Variants in ATP8A1 observed in about 807,000 individuals in gnomAD.
ATP8A1 encodes the protein phospholipid-transporting ATPase IA.
ATP8A1 carries 90 observed loss-of-function variants against 177.7 expected under a neutral mutation model. That is an observed-to-expected ratio of 0.51 (90% CI 0.43 to 0.60). The LOEUF is 0.60. Among genes scored for constraint, ATP8A1 ranks in the 20% least tolerant of loss-of-function variants. The pLI, the probability that ATP8A1 is intolerant of heterozygous loss-of-function variation, is 0.00. For synonymous variants in ATP8A1, 493 were observed against 485.9 expected (o/e 1.01, Z -0.19); for missense variants, 1,072 against 1,392.8 (o/e 0.77, Z 3.67).
intron 5 of ATP8A1, among the ~76,000 whole-genome samples, chr4:42,607,244 A>C (rs1735886820): frequency 6.6e-6 from 1 of 152,236 alleles, no homozygotes; most frequent in South Asian, 2.1e-4. Flanking sequence ...AAATGAAGAA[A>C]GGAAATACAC....
intron 33 of ATP8A1, among the ~76,000 whole-genome samples, chr4:42,432,565 G>A (rs1172982476): frequency 6.6e-6 from 1 of 152,212 alleles, no homozygotes; most frequent in Admixed American, 6.5e-5. Flanking sequence ...AGAGGCCCGA[G>A]CCTTCCAGTC....
intron 1 of ATP8A1, among the ~76,000 whole-genome samples, chr4:42,635,782 C>CACACATATATATATATATAT (rs1553920597): frequency 5.8e-5 from 3 of 51,984 alleles, no homozygotes; most frequent in African/African-American, 1.8e-4. Context: ...CACACACACA[C>CACACATATATATATATATAT]ATATATATAT....
At chr4:42,522,531 C>G (rs2153198643) in intron 21 of ATP8A1, among the ~76,000 whole-genome samples, 1 of 152,316 alleles carries the variant, frequency 6.6e-6, no homozygotes, top group South Asian at 2.1e-4. Context: ...AATCCATCTT[C>G]CATGCATAGT....
intron 9 of ATP8A1, among the ~76,000 whole-genome samples, chr4:42,583,022 A>G (rs563268054): frequency 6.6e-6 from 1 of 152,362 alleles, no homozygotes; most frequent in African/African-American, 2.4e-5. Flanking sequence ...AAAAAGAAGG[A>G]AACAATTCCA....
chr4:42,425,880 G>C (rs1332275608), intron 33 of ATP8A1, among the ~76,000 whole-genome samples: 2 of 152,116 alleles, frequency 1.3e-5, no homozygotes, highest in East Asian at 3.9e-4. Context: ...AATTTGCCAC[G>C]AAAGTGGCTC....
rs76783686 is a variant in ATP8A1 at position 42,447,075 on chromosome 4, A to G, written c.2897-431T>C. ...AAAAGCAACTCACAGAGGGCCAAGG[A>G]ACACCAGTATGGTTTCAGGCATGTG... On this transcript the variant is annotated intron_variant, in intron 30 of 36. Coordinates refer to ENST00000381668, the MANE Select transcript of ATP8A1 (RefSeq NM_006095.2). Among the ~76,000 whole-genome samples, 400 of 152,360 alleles carry G rather than the reference A, an allele frequency of 2.6e-3. 1 individual carries two copies. Among genetic ancestry groups the G allele is most frequent in the African/African-American group, 9.3e-3 (388 of 41,584 alleles).
Position 42,655,652 on chromosome 4 carries a change from G to A in ATP8A1, c.49+1173C>T, listed in dbSNP as rs559954608. On this transcript the variant is annotated intron_variant, in intron 1 of 36. Coordinates refer to ENST00000381668, the MANE Select transcript of ATP8A1 (RefSeq NM_006095.2). Reference sequence around the variant, plus strand: ...TACCGAATTCCTATGTAGTACACAGGCCAGTTTTGAATCTTGCTTCGTCTT... The same window carrying A: ...TACCGAATTCCTATGTAGTACACAGACCAGTTTTGAATCTTGCTTCGTCTT... Among the ~76,000 whole-genome samples, 15 of 152,246 alleles carry A rather than the reference G, an allele frequency of 9.9e-5. 1 individual carries two copies. In the South Asian group the frequency reaches 3.1e-3, roughly 32 times the overall value.
chr4:42,440,078 G>A (rs770960613), intron 33 of ATP8A1, among the ~76,000 whole-genome samples: 2 of 152,156 alleles, frequency 1.3e-5, no homozygotes, highest in Admixed American at 6.6e-5. Context: ...GATGTTCATG[G>A]CAAACACAAC....
chr4:42,495,614 G>GT lies in ATP8A1; in HGVS notation c.2151+7835dup, dbSNP rs67918221. Among the ~76,000 whole-genome samples, 379 of 146,678 alleles carry GT rather than the reference G, an allele frequency of 2.6e-3. 3 individuals carry two copies. The highest frequency in any genetic ancestry group is 8.2e-3 in the African/African-American group (334 of 40,490). ...TTATTTTAAAAAATTGTATTTATTG[G>GT]TTTTTTTTTTTTGATGTAGTTTTTG... On this transcript the variant is annotated intron_variant, in intron 24 of 36. Coordinates refer to ENST00000381668, the MANE Select transcript of ATP8A1 (RefSeq NM_006095.2).
rs764452182 is a variant in ATP8A1, at chr4:42,635,782, C to CATATATATATATATATATATATATATAT, written c.50-8701_50-8674dup. 1.6e-3 allele frequency among the ~76,000 whole-genome samples: 84 copies of CATATATATATATATATATATATATATAT among 51,958 alleles called. 3 individuals carry two copies. Among genetic ancestry groups the CATATATATATATATATATATATATATAT allele is most frequent in the Non-Finnish European group, 2.5e-3 (59 of 23,960 alleles). The allele number at this position is 51,958 out of a possible 152,430, so 34.1% of individuals were successfully genotyped here. A position where few individuals can be genotyped will look rare whatever the true frequency, so the allele number is the denominator to read the frequency against. The stretch of plus-strand genomic sequence containing the variant: ...ACACACACACACACACACACACACA[C>CATATATATATATATATATATATATATAT]ATATATATATATATATATATATATA... On this transcript the variant is annotated intron_variant, in intron 1 of 36. Coordinates refer to ENST00000381668, the MANE Select transcript of ATP8A1 (RefSeq NM_006095.2).
In ATP8A1 at chr4:42,578,369, A is replaced by C. The variant is rs1430612610; in HGVS notation, c.1019T>G (p.Phe340Cys). 6.2e-7 allele frequency: 1 copy of C among 1,612,378 alleles called. No homozygotes were observed. The highest frequency in any genetic ancestry group is 1.3e-5 in the African/African-American group (1 of 74,840). Reference protein sequence around the residue: ...LNLNYGGASNFGLNFLTFIIL... With the variant: ...LNLNYGGASNCGLNFLTFIIL... Reference sequence around the variant, plus strand: ...GATGAAGGTCAAGAAATTCAGTCCAAAATTACTAGCGCCACCATCTGTTGG... The same window carrying C: ...GATGAAGGTCAAGAAATTCAGTCCACAATTACTAGCGCCACCATCTGTTGG... The change falls in exon 12 of 37, where the codon TTT (phenylalanine) becomes TGT (cysteine). Residue 340 changes from phenylalanine (F) to cysteine (C), a missense_variant. By Grantham distance (205) the Phe-to-Cys change is radical (BLOSUM62 -2). Coordinates refer to ENST00000381668, the MANE Select transcript of ATP8A1 (RefSeq NM_006095.2).
chr4:42,604,487 T>C (rs1309179070), intron 5 of ATP8A1, among the ~76,000 whole-genome samples: 1 of 152,168 alleles, frequency 6.6e-6, no homozygotes, highest in Non-Finnish European at 1.5e-5. Context: ...TTCTTATCTG[T>C]CATAGGATCA....
chr4:42,409,397 A>T lies in ATP8A1; in HGVS notation c.*3519T>A, dbSNP rs1180468614. ...AAGTGACTTCAGTTATTTTAATGTG[A>T]GAAAAATCAGACTATGGTATCTTAC... On this transcript the variant is annotated 3_prime_UTR_variant, in exon 37 of 37. Coordinates refer to ENST00000381668, the MANE Select transcript of ATP8A1 (RefSeq NM_006095.2). 1 of 152,170 alleles carries T rather than the reference A, an allele frequency of 6.6e-6. No homozygotes were observed. The highest frequency in any genetic ancestry group is 1.5e-5 in the Non-Finnish European group (1 of 67,988). 9.4% of individuals were successfully genotyped at this position (152,170 alleles called of 1,614,324 possible). A position where few individuals can be genotyped will look rare whatever the true frequency, so the allele number is the denominator to read the frequency against.
At chr4:42,524,647 G>A (rs759440237) in intron 21 of ATP8A1, 116 bp downstream of exon 21, 3 of 566,282 alleles carry the variant, frequency 5.3e-6, no homozygotes, top group Non-Finnish European at 8.9e-6. Context: ...ATTGCCAACA[G>A]CTGATATCTT....
chr4:42,626,873 G>A, intron 2 of ATP8A1, 122 bp downstream of exon 2: 1 of 724,492 alleles, frequency 1.4e-6, no homozygotes, highest in South Asian at 1.5e-5. Flanking sequence ...TATTCACACT[G>A]CCAACAGGGA....
chr4:42,496,160 C>A (rs1723251167), intron 24 of ATP8A1, among the ~76,000 whole-genome samples: 1 of 152,104 alleles, frequency 6.6e-6, no homozygotes, highest in Non-Finnish European at 1.5e-5. Context: ...GGGTACAATG[C>A]AGAGAGAGGC....
intron 15 of ATP8A1, among the ~76,000 whole-genome samples, chr4:42,560,199 TAA>T (rs1243499154): frequency 6.6e-6 from 1 of 151,964 alleles, no homozygotes; most frequent in African/African-American, 2.4e-5. Flanking sequence ...TCTGTAAAAA[TAA>T]GAGAGAAAAA....
intron 20 of ATP8A1, among the ~76,000 whole-genome samples, chr4:42,541,427 T>A (rs1728374711): frequency 6.6e-6 from 1 of 152,224 alleles, no homozygotes; most frequent in Non-Finnish European, 1.5e-5. Context: ...CTAATGGGAA[T>A]GCAAAATGGC....
intron 22 of ATP8A1, among the ~76,000 whole-genome samples, chr4:42,513,830 C>T (rs966745517): frequency 2.6e-5 from 4 of 152,250 alleles, no homozygotes; most frequent in African/African-American, 9.6e-5. Flanking sequence ...TGGATTAGGA[C>T]AAAAGAAGCC....
Sources: allele counts gnomAD v4.1 joint callset (sites outside exome capture counted in the v4.1 genomes callset), GRCh38; gene constraint gnomAD v4.1.1; transcripts MANE v1.5; gene names NCBI Gene and HGNC (gene_info 2026-07-23, HGNC 2026-07-21).